The following SEMA6D variants were observed in gnomAD, a reference collection of about 807,000 sequenced individuals.
SEMA6D encodes the protein semaphorin-6D.
Under a neutral mutation model 106.6 loss-of-function variants are expected in SEMA6D, and 35 were observed. That is an observed-to-expected ratio of 0.33 (90% CI 0.25 to 0.44). The LOEUF (loss-of-function observed/expected upper bound fraction) is 0.44, where lower values mean the gene tolerates loss of function less well. SEMA6D is among the 20% of genes least tolerant of loss of function. The pLI is 1.00. For missense variants in SEMA6D, 1,185 were observed against 1,345.9 expected (o/e 0.88, Z 1.87); for synonymous variants, 499 against 487.7 (o/e 1.02, Z -0.31).
intron 4 of SEMA6D, among the ~76,000 whole-genome samples, chr15:47,610,643 C>T (rs1304803153): frequency 6.6e-6 from 1 of 152,188 alleles, no homozygotes; most frequent in African/African-American, 2.4e-5. Context: ...AGATATATCT[C>T]ACTCATTCGG....
rs78845978 is a variant in SEMA6D, at chr15:47,660,728, A to T, written c.-55+59832A>T. Among the ~76,000 whole-genome samples the T allele has an allele frequency of 7.4e-3, 1,130 of 152,270 alleles. 43 individuals are homozygous for T. In the East Asian group the frequency reaches 0.079, roughly 11 times the overall value. The stretch of plus-strand genomic sequence containing the variant: ...AAAACTATTTTTGATATTAGAAGTG[A>T]TTTTTTCTGAATCTAGAGTGATTCA... On this transcript the variant is annotated intron_variant, in intron 4 of 19. Coordinates refer to the SEMA6D transcript ENST00000558014.
At chr15:47,602,289 G>A (rs1335617036) in intron 4 of SEMA6D, among the ~76,000 whole-genome samples, 1 of 152,158 alleles carries the variant, frequency 6.6e-6, no homozygotes, top group Non-Finnish European at 1.5e-5. Flanking sequence ...GATGAAGGAA[G>A]TATAATTACA....
chr15:47,721,207 G>T (rs1382681734), intron 1 of SEMA6D, among the ~76,000 whole-genome samples: 1 of 152,234 alleles, frequency 6.6e-6, no homozygotes, highest in Non-Finnish European at 1.5e-5. Context: ...ATGTAGATAT[G>T]CTTCTTTCTT....
At chr15:47,544,315 A>G (rs1340693387) in intron 3 of SEMA6D, among the ~76,000 whole-genome samples, 1 of 152,078 alleles carries the variant, frequency 6.6e-6, no homozygotes, top group Non-Finnish European at 1.5e-5. Flanking sequence ...CAGCATGGGA[A>G]CCTTTGGGTT....
upstream of SEMA6D, among the ~76,000 whole-genome samples, chr15:47,713,185 C>A (rs2079051790): frequency 6.6e-6 from 1 of 152,058 alleles, no homozygotes; most frequent in Non-Finnish European, 1.5e-5. Context: ...TTTATTAGTT[C>A]CATAAATGCA....
intron 3 of SEMA6D, among the ~76,000 whole-genome samples, chr15:47,485,897 A>G (rs1004145213): frequency 9.2e-5 from 14 of 152,224 alleles, no homozygotes; most frequent in Admixed American, 5.2e-4. Flanking sequence ...CACAGAGCTA[A>G]TAACATTGCT....
At chr15:47,676,489 G>A (rs533414778) in intron 4 of SEMA6D, among the ~76,000 whole-genome samples, 1 of 152,206 alleles carries the variant, frequency 6.6e-6, no homozygotes, top group Admixed American at 6.5e-5. Flanking sequence ...TTAGTGCCAT[G>A]ACTACCCCTA....
chr15:47,276,789 G>A (rs1345137082), intron 1 of SEMA6D, among the ~76,000 whole-genome samples: 4 of 152,116 alleles, frequency 2.6e-5, no homozygotes, highest in African/African-American at 9.7e-5. Flanking sequence ...TTATTCTTTA[G>A]TAAATAATTT....
intron 1 of SEMA6D, among the ~76,000 whole-genome samples, chr15:47,256,462 G>A (rs75687361): frequency 0.025 from 3,821 of 152,234 alleles, 167 homozygotes; most frequent in African/African-American, 0.088. Context: ...CTTTGGAGCA[G>A]TTACAATTTT....
In SEMA6D at chr15:47,228,054, A is replaced by T. The variant is rs1399648671; in HGVS notation, c.-239+43636A>T. Among the ~76,000 whole-genome samples the T allele has an allele frequency of 7.6e-5, 11 of 144,010 alleles. No individual in the cohort carries two copies. In the South Asian group the frequency reaches 8.4e-4, roughly 11 times the overall value. The allele number at this position is 144,010 out of a possible 152,430, so 94.5% of individuals were successfully genotyped here. ...ATATATATAAGAATCTTATATATAT[A>T]TTTTTATATATAAGAATTCAAGAAA... On this transcript the variant is annotated intron_variant, in intron 1 of 19. Coordinates refer to the SEMA6D transcript ENST00000558014.
intron 3 of SEMA6D, among the ~76,000 whole-genome samples, chr15:47,549,594 A>G (rs1214674190): frequency 6.6e-6 from 1 of 152,152 alleles, no homozygotes; most frequent in African/African-American, 2.4e-5. Flanking sequence ...GGATTTTCAA[A>G]GATCTAGAAT....
At chr15:47,289,785 C>G (rs2035524274) in intron 1 of SEMA6D, among the ~76,000 whole-genome samples, 2 of 151,764 alleles carry the variant, frequency 1.3e-5, no homozygotes, top group Admixed American at 1.3e-4. Context: ...CACTAAAGAT[C>G]AGAGAGGAAA....
chr15:47,292,341 A>G (rs1013233606), intron 1 of SEMA6D, among the ~76,000 whole-genome samples: 1 of 152,216 alleles, frequency 6.6e-6, no homozygotes, highest in Non-Finnish European at 1.5e-5. Context: ...CTGGCTATAT[A>G]AAATTGCTTT....
rs1311711338 is a variant in SEMA6D, at chr15:47,314,693, G to C, written c.-238-97700G>C. 2.0e-5 allele frequency among the ~76,000 whole-genome samples: 3 copies of C among 150,600 alleles called. No individual in the cohort carries two copies. The South Asian group carries it at 6.3e-4, about 32-fold the overall frequency. On this transcript the variant is annotated intron_variant, in intron 1 of 19. Transcript: ENST00000558014. ...CTTCTTTTGCAAATATTTTCTTCCA[G>C]CCTGTGGCTTGTCTTTGCAGTCTCT...
chr15:47,314,958 C>G (rs1440942153), intron 1 of SEMA6D, among the ~76,000 whole-genome samples: 1 of 145,938 alleles, frequency 6.9e-6, no homozygotes, highest in Admixed American at 6.8e-5. Context: ...CTCCGCCTCC[C>G]GGGTTCACAC....
At chr15:47,571,361 A>G (rs1455069101) in intron 3 of SEMA6D, among the ~76,000 whole-genome samples, 2 of 152,260 alleles carry the variant, frequency 1.3e-5, no homozygotes, top group Non-Finnish European at 2.9e-5. Context: ...AATTTATTCA[A>G]GTGGCTGCCA....
Position 47,765,869 on chromosome 15 carries a change from G to T in SEMA6D, c.1428G>T (p.Lys476Asn). The T allele has an allele frequency of 6.6e-7, 1 of 1,506,624 alleles. No homozygotes were observed. The allele number at this position is 1,506,624 out of a possible 1,614,324, so 93.3% of individuals were successfully genotyped here. A position where few individuals can be genotyped will look rare whatever the true frequency, so the allele number is the denominator to read the frequency against. ...LEEIEAYNHA[K>N]CSAENEEDKK... The stretch of plus-strand genomic sequence containing the variant: ...CTTCAAAATGTATCCCACAAAATAG[G>T]TGCAGTGCTGAGAATGAGGAAGACA... The change falls in exon 14 of 19, where the codon AAG becomes AAT. Residue 476 changes from lysine to asparagine, a missense_variant and splice_region_variant. Lys to Asn is a moderately conservative substitution (Grantham distance 94). Transcript: ENST00000536845.
At chr15:47,534,092 C>T (rs1050116571) in intron 3 of SEMA6D, among the ~76,000 whole-genome samples, 73 of 152,086 alleles carry the variant, frequency 4.8e-4, no homozygotes, top group African/African-American at 1.7e-3. Context: ...GGGTGCCTAT[C>T]ACCTGGAAGG....
intron 1 of SEMA6D, among the ~76,000 whole-genome samples, chr15:47,333,596 G>A (rs761870356): frequency 6.6e-6 from 1 of 152,086 alleles, no homozygotes; most frequent in Non-Finnish European, 1.5e-5. Context: ...AAGTGAATTT[G>A]ATGGCATACA....
Sources: gnomAD v4.1 joint callset for allele counts (sites outside exome capture counted in the v4.1 genomes callset) on GRCh38, gnomAD v4.1.1 for gene constraint, MANE v1.5 for transcripts, NCBI Gene and HGNC (gene_info 2026-07-23, HGNC 2026-07-21) for gene names.